ELAC1: variants seen among roughly 807,000 people sequenced by gnomAD.
ELAC1 encodes the protein zinc phosphodiesterase ELAC protein 1.
In ELAC1, 19 loss-of-function variants were observed where a neutral mutation model predicts 25.8. That is an observed-to-expected ratio of 0.74 (90% CI 0.51 to 1.08). The LOEUF (loss-of-function observed/expected upper bound fraction) is 1.08, where lower values mean the gene tolerates loss of function less well. Ranked by LOEUF, ELAC1 falls within the 50% of genes least tolerant of loss-of-function variation. ELAC1 has a pLI of 0.00. For synonymous variants in ELAC1, 148 were observed against 160.9 expected, an observed-to-expected ratio of 0.92 and a Z score of 0.61; for missense variants, 403 against 434.6, an observed-to-expected ratio of 0.93 and a Z score of 0.65.
intron 1 of ELAC1, among the ~76,000 whole-genome samples, chr18:50,974,009 TC>T (rs1907729545): frequency 6.6e-6 from 1 of 152,236 alleles, no homozygotes; most frequent in South Asian, 2.1e-4. Flanking sequence ...TCATACAGAA[TC>T]GTTTCACTGC....
In ELAC1 at chr18:50,983,617, G is replaced by A. The variant is rs1908018646; in HGVS notation, c.158-479G>A. Among the ~76,000 whole-genome samples, 2 of 151,694 alleles carry A rather than the reference G, an allele frequency of 1.3e-5. 1 individual carries two copies. Among genetic ancestry groups the A allele is most frequent in the South Asian group, 4.2e-4 (2 of 4,814 alleles). ...TAATCCCAGCACTTTGGGAGGCCAAGGTGGGATAATTGCTTAAGGCCAGGA... is the reference window on the plus strand; with the variant it reads ...TAATCCCAGCACTTTGGGAGGCCAAAGTGGGATAATTGCTTAAGGCCAGGA... On this transcript the variant is annotated intron_variant, in intron 2 of 3. Coordinates refer to ENST00000269466, the MANE Select transcript of ELAC1 (RefSeq NM_018696.3).
chr18:50,977,358 G>T (rs1260148578), intron 2 of ELAC1, among the ~76,000 whole-genome samples: 7 of 152,214 alleles, frequency 4.6e-5, no homozygotes. Flanking sequence ...TGAAATCTAG[G>T]TGGAGGTTCC....
Position 50,984,277 on chromosome 18 carries a change from G to T in ELAC1, c.339G>T (p.Glu113Asp). 1 of 1,614,170 alleles carries T rather than the reference G, an allele frequency of 6.2e-7. No homozygotes were observed. The highest frequency in any genetic ancestry group is 1.1e-5 in the South Asian group (1 of 91,082). ...GAACCATGGAACTCTCTCACACGGAGCTGGTCTTCCATTATGTGGTTCATG... is the reference window on the plus strand; with the variant it reads ...GAACCATGGAACTCTCTCACACGGATCTGGTCTTCCATTATGTGGTTCATG... ...IWRTMELSHTELVFHYVVHEL... is the reference protein window; with the variant it reads ...IWRTMELSHTDLVFHYVVHEL... The change falls in exon 3 of 4, where the codon GAG (glutamate) becomes GAT (aspartate). Residue 113 changes from glutamate (E) to aspartate (D), a missense_variant. Glu to Asp is a conservative substitution (Grantham distance 45). Transcript: ENST00000269466.
chr18:50,971,912 GTA>G (rs66495742), intron 1 of ELAC1, among the ~76,000 whole-genome samples: 10,346 of 76,124 alleles, frequency 0.14, 423 homozygotes, highest in South Asian at 0.2. Flanking sequence ...GTGTGTGTGT[GTA>G]TATATATATA....
chr18:50,980,800 A>G (rs540430430), intron 2 of ELAC1, among the ~76,000 whole-genome samples: 1 of 151,228 alleles, frequency 6.6e-6, no homozygotes, highest in Non-Finnish European at 1.5e-5. Flanking sequence ...TTCTGGCCGT[A>G]GAGAGGAAGG....
intron 2 of ELAC1, among the ~76,000 whole-genome samples, chr18:50,982,758 C>T (rs560430810): frequency 4.5e-4 from 68 of 152,312 alleles, no homozygotes; most frequent in African/African-American, 1.6e-3. Context: ...CTTAGGGGAT[C>T]GGCTTTCCTG....
intron 1 of ELAC1, 97 bp from the exon 2 acceptor site, chr18:50,974,300 C>G (rs143898455): frequency 8.4e-6 from 10 of 1,183,814 alleles, no homozygotes; most frequent in Admixed American, 6.2e-5. Context: ...CCAGACTGTT[C>G]TAAATAACCA....
rs954185789 is a variant in ELAC1, at chr18:50,970,855, G to A, written c.-9+2741G>A. 7.3e-5 allele frequency among the ~76,000 whole-genome samples: 11 copies of A among 151,388 alleles called. 1 individual carries two copies. In the South Asian group the frequency reaches 2.3e-3, roughly 32 times the overall value. On this transcript the variant is annotated intron_variant, in intron 1 of 3. Coordinates refer to ENST00000269466, the MANE Select transcript of ELAC1 (RefSeq NM_018696.3). ...ACCCCTGAGATAACCCATATTAACA[G>A]GATGGTGTGTATCCTCTCCCACATC...
intron 2 of ELAC1, among the ~76,000 whole-genome samples, chr18:50,975,964 AG>A (rs1379632038): frequency 6.6e-6 from 1 of 152,180 alleles, no homozygotes; most frequent in African/African-American, 2.4e-5. Flanking sequence ...ATGGACATTG[AG>A]GGAACAGACA....
chr18:50,971,937 T>TAC (rs1907668603), intron 1 of ELAC1, among the ~76,000 whole-genome samples: 2 of 145,782 alleles, frequency 1.4e-5, no homozygotes, highest in African/African-American at 5.0e-5. Flanking sequence ...TATATATATA[T>TAC]ATATATCCTT....
At position 50,973,515 on chromosome 18, in the gene ELAC1, G is replaced by T. The variant is rs139291700; in HGVS notation, c.-8-882G>T. ...ATGTCATGTAGGGAGTGAGACATTT[G>T]TTCAGCATTATTGTGAAATATCAGC... is the stretch of plus-strand genomic sequence containing the variant. On this transcript the variant is annotated intron_variant, in intron 1 of 3. Coordinates refer to ENST00000269466, the MANE Select transcript of ELAC1 (RefSeq NM_018696.3). Among the ~76,000 whole-genome samples the T allele has an allele frequency of 2.6e-5, 4 of 152,248 alleles. No homozygotes were observed. The East Asian group carries it at 7.7e-4, about 29-fold the overall frequency.
chr18:50,980,500 C>T (rs537388291), intron 2 of ELAC1, among the ~76,000 whole-genome samples: 1 of 152,140 alleles, frequency 6.6e-6, no homozygotes, highest in African/African-American at 2.4e-5. Flanking sequence ...CATGGTGGCT[C>T]ATGCCTGTAA....
chr18:50,984,366 G>C lies in ELAC1; in HGVS notation c.428G>C (p.Arg143Thr). 6.2e-7 allele frequency: 1 copy of C among 1,614,242 alleles called. No homozygotes were observed. Among genetic ancestry groups the C allele is most frequent in the Non-Finnish European group, 8.5e-7 (1 of 1,180,042 alleles). ...CTAAAAGAATTTGCGCATGTGAATA[G>C]AGCAGACAGTCCTCCCAAAGAGGAA... ...EELKEFAHVN[R>T]ADSPPKEEQG... Residue 143 changes from arginine (R) to threonine (T), a missense_variant, in exon 3 of 4, where the codon AGA becomes ACA. Arg to Thr is a moderately conservative substitution (Grantham distance 71). Coordinates refer to ENST00000269466, the MANE Select transcript of ELAC1 (RefSeq NM_018696.3).
At chr18:50,980,763 G>GAAAAA (rs761954317) in intron 2 of ELAC1, among the ~76,000 whole-genome samples, 1 of 67,874 alleles carries the variant, frequency 1.5e-5, no homozygotes. Context: ...ACTCCATCTC[G>GAAAAA]AAAAAAAAAA....
rs1274876563 is a variant in ELAC1 at position 50,974,508 on chromosome 18, TTGAC to T, written c.107_110del (p.Asp36ValfsTer10). On this transcript the variant is annotated frameshift_variant, in exon 2 of 4. Transcript: ENST00000269466. LOFTEE classifies it high-confidence loss of function. Reference sequence around the variant, plus strand: ...CGGTGTGAAGGCGAGTGCTGGCTCTTTGACTGTGGGGAGGGAACACAGACACAGC... The same window carrying T: ...CGGTGTGAAGGCGAGTGCTGGCTCTTTGTGGGGAGGGAACACAGACACAGC... 3.1e-6 allele frequency: 5 copies of T among 1,613,294 alleles called. No individual in the cohort carries two copies. Among genetic ancestry groups the T allele is most frequent in the Non-Finnish European group, 4.2e-6 (5 of 1,179,660 alleles).
chr18:50,968,891 G>A (rs939049128), intron 1 of ELAC1: 1 of 152,066 alleles, frequency 6.6e-6, no homozygotes, highest in African/African-American at 2.4e-5. Context: ...AAATTATTAT[G>A]GAAACCTTCA....
chr18:50,985,628 T>C (rs1309061768), intron 3 of ELAC1, among the ~76,000 whole-genome samples: 5 of 152,244 alleles, frequency 3.3e-5, no homozygotes, highest in Non-Finnish European at 5.9e-5. Flanking sequence ...TGTTTTTTTA[T>C]TTATGTGATC....
chr18:50,970,473 T>C (rs1301578556), intron 1 of ELAC1, among the ~76,000 whole-genome samples: 1 of 152,200 alleles, frequency 6.6e-6, no homozygotes, highest in African/African-American at 2.4e-5. Flanking sequence ...ATAAAGCTCC[T>C]TTCTTAGCAG....
intron 3 of ELAC1, among the ~76,000 whole-genome samples, chr18:50,986,113 G>A (rs777069513): frequency 4.1e-5 from 6 of 146,678 alleles, no homozygotes; most frequent in South Asian, 2.1e-4. Context: ...TCTGCCCCCT[G>A]GGTTAAAGCA....
Sources: allele counts gnomAD v4.1 joint callset (sites outside exome capture counted in the v4.1 genomes callset), GRCh38; gene constraint gnomAD v4.1.1; transcripts MANE v1.5; gene names NCBI Gene and HGNC (gene_info 2026-07-23, HGNC 2026-07-21).